The following TOX variants were observed in gnomAD, a reference collection of about 807,000 sequenced individuals.
The protein encoded by TOX is thymocyte selection-associated high mobility group box protein TOX.
TOX carries 11 observed loss-of-function variants against 53.7 expected under a neutral mutation model. That is an observed-to-expected ratio of 0.20 (90% confidence interval 0.13 to 0.34). The LOEUF (loss-of-function observed/expected upper bound fraction) is 0.34. TOX is among the 10% of genes least tolerant of loss of function. TOX has a pLI of 1.00. For synonymous variants in TOX, 225 were observed against 245.3 expected (o/e 0.92, Z 0.77); for missense variants, 570 against 664.6 (o/e 0.86, Z 1.56).
At chr8:59,092,174 C>T (rs142556652) in intron 1 of TOX, among the ~76,000 whole-genome samples, 6,460 of 147,746 alleles carry the variant, frequency 0.044, 470 homozygotes, top group African/African-American at 0.15. Context: ...ATCACTTGAA[C>T]CCAGGAGGTA....
chr8:58,949,066 C>T (rs1004853544), intron 2 of TOX, among the ~76,000 whole-genome samples: 7 of 152,110 alleles, frequency 4.6e-5, no homozygotes, highest in Non-Finnish European at 8.8e-5. Context: ...TTTCTCTAAG[C>T]CTCAGTTTCC....
intron 1 of TOX, among the ~76,000 whole-genome samples, chr8:59,033,395 C>G (rs543910840): frequency 6.6e-6 from 1 of 152,100 alleles, no homozygotes; most frequent in Non-Finnish European, 1.5e-5. Context: ...TGGGGAGATA[C>G]CAGAGGATGC....
intron 1 of TOX, among the ~76,000 whole-genome samples, chr8:58,963,585 A>G (rs1022454143): frequency 1.3e-5 from 2 of 152,168 alleles, no homozygotes; most frequent in African/African-American, 4.8e-5. Context: ...CACAGTTCCT[A>G]TCACACCCAC....
intron 3 of TOX, among the ~76,000 whole-genome samples, chr8:58,913,202 G>A (rs1186145707): frequency 6.6e-6 from 1 of 152,200 alleles, no homozygotes; most frequent in Non-Finnish European, 1.5e-5. Context: ...TGTAGTCCCA[G>A]CTCCTTGGGA....
chr8:59,037,926 G>A (rs1050185864), intron 1 of TOX, among the ~76,000 whole-genome samples: 1 of 151,522 alleles, frequency 6.6e-6, no homozygotes, highest in African/African-American at 2.4e-5. Flanking sequence ...TTGTGTTAAT[G>A]TTGAAAAAGT....
intron 1 of TOX, among the ~76,000 whole-genome samples, chr8:59,097,166 A>G (rs974080479): frequency 6.6e-6 from 1 of 152,192 alleles, no homozygotes; most frequent in African/African-American, 2.4e-5. Flanking sequence ...ATCCCCGGGA[A>G]GGTTCTGACC....
At chr8:59,024,672 G>A (rs986919067) in intron 1 of TOX, among the ~76,000 whole-genome samples, 11 of 151,842 alleles carry the variant, frequency 7.2e-5, no homozygotes, top group African/African-American at 1.9e-4. Context: ...TAGGATGTGA[G>A]TTTCAGATAA....
chr8:59,111,969 T>A (rs770739933), intron 1 of TOX, among the ~76,000 whole-genome samples: 2 of 152,212 alleles, frequency 1.3e-5, no homozygotes, highest in South Asian at 4.1e-4. Context: ...TGACCTTTGA[T>A]ATTATAAATA....
intron 1 of TOX, among the ~76,000 whole-genome samples, chr8:59,052,791 C>T (rs1267423382): frequency 6.6e-6 from 1 of 152,138 alleles, no homozygotes; most frequent in East Asian, 1.9e-4. Context: ...TAATATACCT[C>T]TCAAAGTGCT....
chr8:59,083,732 C>G (rs1217237241), intron 1 of TOX, among the ~76,000 whole-genome samples: 2 of 152,168 alleles, frequency 1.3e-5, no homozygotes, highest in Non-Finnish European at 2.9e-5. Context: ...CCATGTACAT[C>G]TGTCATTATT....
chr8:59,115,849 T>C (rs1253811435), intron 1 of TOX, among the ~76,000 whole-genome samples: 1 of 152,156 alleles, frequency 6.6e-6, no homozygotes, highest in Non-Finnish European at 1.5e-5. Flanking sequence ...CTTTGCATAG[T>C]GATATGTTCA....
intron 1 of TOX, among the ~76,000 whole-genome samples, chr8:59,049,131 A>G (rs901017781): frequency 6.6e-6 from 1 of 152,176 alleles, no homozygotes; most frequent in Non-Finnish European, 1.5e-5. Context: ...AGCTGGTGAT[A>G]TAAGAAAACA....
intron 1 of TOX, among the ~76,000 whole-genome samples, chr8:59,066,729 C>T (rs150737023): frequency 1.4e-3 from 220 of 152,302 alleles, no homozygotes; most frequent in African/African-American, 4.8e-3. Flanking sequence ...CATTTAAACT[C>T]GGAGGCCCCA....
chr8:58,995,341 CA>C (rs1412131409), intron 1 of TOX, among the ~76,000 whole-genome samples: 2 of 152,186 alleles, frequency 1.3e-5, no homozygotes, highest in Non-Finnish European at 2.9e-5. Flanking sequence ...TTCCCAAAGA[CA>C]AAACCGTTTT....
chr8:59,070,472 A>G (rs1224106872), intron 1 of TOX, among the ~76,000 whole-genome samples: 1 of 150,482 alleles, frequency 6.6e-6, no homozygotes, highest in African/African-American at 2.4e-5. Flanking sequence ...TCCATAAGAC[A>G]GTATGTGCAC....
chr8:59,019,363 C>G (rs1374233125), intron 1 of TOX, among the ~76,000 whole-genome samples: 1 of 151,820 alleles, frequency 6.6e-6, no homozygotes, highest in African/African-American at 2.4e-5. Context: ...TAAGTGGAAC[C>G]AAAAAAATCC....
At chr8:58,979,111 AC>A (rs1219351959) in intron 1 of TOX, among the ~76,000 whole-genome samples, 2 of 152,204 alleles carry the variant, frequency 1.3e-5, no homozygotes, top group Non-Finnish European at 2.9e-5. Flanking sequence ...TTGACATGAT[AC>A]CTTTCCAGAA....
At chr8:58,934,496 A>C in intron 3 of TOX, among the ~76,000 whole-genome samples, 1 of 152,216 alleles carries the variant, frequency 6.6e-6, no homozygotes, top group East Asian at 1.9e-4. Flanking sequence ...GAGATTAAAC[A>C]AGTGAAACTG....
intron 2 of TOX, among the ~76,000 whole-genome samples, chr8:58,957,995 T>A (rs1380349121): frequency 2.0e-5 from 3 of 152,222 alleles, no homozygotes; most frequent in Non-Finnish European, 2.9e-5. Flanking sequence ...TTGTGAAGTT[T>A]ATTTTTCTCC....
Sources: gnomAD v4.1 joint callset for allele counts (sites outside exome capture counted in the v4.1 genomes callset) on GRCh38, gnomAD v4.1.1 for gene constraint, MANE v1.5 for transcripts, NCBI Gene and HGNC (gene_info 2026-07-23, HGNC 2026-07-21) for gene names.